DEFB124: variants seen among roughly 807,000 people sequenced by gnomAD.
DEFB124 encodes the protein beta-defensin 124.
For synonymous variants in DEFB124, 38 were observed against 36.5 expected, an observed-to-expected ratio of 1.04 and a Z score of -0.15; for missense variants, 78 against 83.1, an observed-to-expected ratio of 0.94 and a Z score of 0.24.
At chr20:31,471,801 G>A (rs1373191038) in intron 2 of DEFB124, among the ~76,000 whole-genome samples, 2 of 148,410 alleles carry the variant, frequency 1.3e-5, no homozygotes, top group Non-Finnish European at 3.0e-5. Flanking sequence ...CATCTCAGAC[G>A]ATGGGCGGCC....
chr20:31,472,933 A>T, intron 2 of DEFB124, 23 bp downstream of exon 2: 1 of 1,612,952 alleles, frequency 6.2e-7, no homozygotes, highest in South Asian at 1.1e-5. Context: ...ACACACACAC[A>T]CACATGCACA....
chr20:31,473,439 A>G (rs972564799), intron 1 of DEFB124, among the ~76,000 whole-genome samples: 1 of 152,186 alleles, frequency 6.6e-6, no homozygotes, highest in African/African-American at 2.4e-5. Context: ...AATGATGACA[A>G]GCATCCCTTA....
At chr20:31,467,973 G>A (rs112597320) in intron 2 of DEFB124, among the ~76,000 whole-genome samples, 1 of 152,106 alleles carries the variant, frequency 6.6e-6, no homozygotes, top group African/African-American at 2.4e-5. Context: ...TGCTGGTCTC[G>A]AAGTCCTGGG....
rs1025450119 is a variant in DEFB124, at chr20:31,474,840, A to G, written c.-239T>C. ...CTTCATCCAGAGCAGAGTTTCTTAA[A>G]GTGAGGTCAGTGAACCGCCTGCATC... On this transcript the variant is annotated 5_prime_UTR_variant, in exon 1 of 3. Transcript: ENST00000317676. 3.9e-5 allele frequency among the ~76,000 whole-genome samples: 6 copies of G among 152,196 alleles called. No homozygotes were observed. The highest frequency in any genetic ancestry group is 8.8e-5 in the Non-Finnish European group (6 of 68,022).
chr20:31,469,989 C>T (rs1467421899), intron 2 of DEFB124, among the ~76,000 whole-genome samples: 2 of 150,026 alleles, frequency 1.3e-5, no homozygotes, highest in African/African-American at 5.0e-5. Context: ...GGGTGGTGGC[C>T]GGGCAGAGGG....
intron 2 of DEFB124, among the ~76,000 whole-genome samples, chr20:31,467,058 A>G (rs1238240835): frequency 6.6e-6 from 1 of 152,222 alleles, no homozygotes; most frequent in East Asian, 1.9e-4. Flanking sequence ...GTTAGAATGC[A>G]TGTGGGAAGT....
rs369305241 is a variant in DEFB124, at chr20:31,466,606, AAT to A, written c.59-945_59-944del. Among the ~76,000 whole-genome samples the A allele has an allele frequency of 3.1e-4, 37 of 120,382 alleles. 2 individuals carry two copies. The highest frequency in any genetic ancestry group is 4.6e-4 in the African/African-American group (11 of 24,156). The allele number at this position is 120,382 out of a possible 152,430, so 79.0% of individuals were successfully genotyped here. ...CAAACTAAGACTCCATCTCAAAAAG[AAT>A]ATATATATATATATAAAACCTTATC... On this transcript the variant is annotated intron_variant, in intron 2 of 2. Transcript: ENST00000317676.
Position 31,474,855 on chromosome 20 carries a change from C to A in DEFB124, c.-254G>T, listed in dbSNP as rs1980432882. On this transcript the variant is annotated 5_prime_UTR_variant, in exon 1 of 3. Transcript: ENST00000317676. The stretch of plus-strand genomic sequence containing the variant: ...AGTTTCTTAAAGTGAGGTCAGTGAA[C>A]CGCCTGCATCAGGATCACTTGGGGC... 6.6e-6 allele frequency among the ~76,000 whole-genome samples: 1 copy of A among 152,344 alleles called. No individual in the cohort carries two copies. Among genetic ancestry groups the A allele is most frequent in the Admixed American group, 6.5e-5 (1 of 15,304 alleles).
Position 31,465,760 on chromosome 20 carries a change from C to G in DEFB124, c.59-97G>C, listed in dbSNP as rs182481493. 2.3e-5 allele frequency: 32 copies of G among 1,409,602 alleles called. 1 individual carries two copies. The African/African-American group carries it at 3.1e-4, about 14-fold the overall frequency. The allele number at this position is 1,409,602 out of a possible 1,614,324, so 87.3% of individuals were successfully genotyped here. ...GCCACAGATTCACTAACACTGGTCA[C>G]AAGTTAGCTCTCTGGTCTTCTGTTA... On this transcript the variant is annotated intron_variant, in intron 2 of 2. Coordinates refer to ENST00000317676, the MANE Select transcript of DEFB124 (RefSeq NM_001037500.2).
intron 2 of DEFB124, among the ~76,000 whole-genome samples, chr20:31,466,220 C>T (rs1456873661): frequency 1.3e-5 from 2 of 152,140 alleles, no homozygotes; most frequent in African/African-American, 2.4e-5. Flanking sequence ...CACATAAGCA[C>T]TTTTCATAAC....
At chr20:31,466,385 G>A (rs373974788) in intron 2 of DEFB124, among the ~76,000 whole-genome samples, 21 of 149,984 alleles carry the variant, frequency 1.4e-4, no homozygotes, top group Admixed American at 1.1e-3. Context: ...GGATCACCTG[G>A]GGTCAGGAGT....
At position 31,475,018 on chromosome 20, in the gene DEFB124, T is replaced by C. The variant is rs1270861361; in HGVS notation, c.-417A>G. 1.3e-5 allele frequency among the ~76,000 whole-genome samples: 2 copies of C among 152,192 alleles called. No individual in the cohort carries two copies. Among genetic ancestry groups the C allele is most frequent in the African/African-American group, 4.8e-5 (2 of 41,446 alleles). ...CTAATATGTTAGTGCATCCCCTTGA[T>C]GGAGTGGACAGATGTGGACGCAGAT... On this transcript the variant is annotated 5_prime_UTR_variant, in exon 1 of 3. Transcript: ENST00000317676. This position sits in a 1 kb window ranked among gnomAD's most constrained non-coding sequence, Gnocchi z 5.0.
chr20:31,466,433 C>T (rs567193663), intron 2 of DEFB124, among the ~76,000 whole-genome samples: 1 of 151,870 alleles, frequency 6.6e-6, no homozygotes, highest in South Asian at 2.1e-4. Flanking sequence ...AACCCCATCT[C>T]TACTAGAAAT....
intron 2 of DEFB124, among the ~76,000 whole-genome samples, chr20:31,471,188 A>ACC (rs1275776905): frequency 1.0e-5 from 1 of 98,554 alleles, no homozygotes; most frequent in African/African-American, 4.0e-5. Context: ...CGGGGGGCTG[A>ACC]CTCCCCCACC....
intron 1 of DEFB124, among the ~76,000 whole-genome samples, chr20:31,473,249 G>A (rs1035828877): frequency 2.0e-5 from 3 of 152,136 alleles, no homozygotes; most frequent in African/African-American, 7.2e-5. Context: ...CTCGGAAGGG[G>A]AGGTAGAATT....
chr20:31,471,589 G>A (rs1475193947), intron 2 of DEFB124, among the ~76,000 whole-genome samples: 3 of 147,206 alleles, frequency 2.0e-5, no homozygotes, highest in African/African-American at 5.1e-5. Context: ...GGGCGGAGAC[G>A]CTCCTCACTT....
rs1980427301 is a variant in DEFB124 at position 31,474,707 on chromosome 20, A to G, written c.-106T>C. Among the ~76,000 whole-genome samples, 3 of 152,186 alleles carry G rather than the reference A, an allele frequency of 2.0e-5. No individual in the cohort carries two copies. Among genetic ancestry groups the G allele is most frequent in the Non-Finnish European group, 2.9e-5 (2 of 68,034 alleles). On this transcript the variant is annotated 5_prime_UTR_variant, in exon 1 of 3. Transcript: ENST00000317676. ...GAGACCTCAGGCCCAGGCCCAGCTA[A>G]GCCTCAGTTGGTGAATGAATGAATG...
chr20:31,474,558 CAA>C (rs1323034359), intron 1 of DEFB124, among the ~76,000 whole-genome samples, 67 bp downstream of exon 1: 1 of 152,198 alleles, frequency 6.6e-6, no homozygotes, highest in Non-Finnish European at 1.5e-5. Flanking sequence ...GCAGCCCAGT[CAA>C]AGAGTCTGGA....
At chr20:31,467,789 G>T (rs1314909947) in intron 2 of DEFB124, among the ~76,000 whole-genome samples, 2 of 151,762 alleles carry the variant, frequency 1.3e-5, no homozygotes, top group African/African-American at 4.8e-5. Flanking sequence ...ATCTCACTTT[G>T]TTGCCCAGGC....
Sources: gnomAD v4.1 joint callset for allele counts (sites outside exome capture counted in the v4.1 genomes callset) on GRCh38, gnomAD v4.1.1 for gene constraint, Gnocchi (gnomAD v3.1) non-coding constraint, MANE v1.5 for transcripts, NCBI Gene and HGNC (gene_info 2026-07-23, HGNC 2026-07-21) for gene names.